Variants in DNAH3 observed in about 807,000 individuals in gnomAD.
The protein encoded by DNAH3 is axonemal beta dynein heavy chain 3.
In DNAH3, 332 loss-of-function variants were observed where a neutral mutation model predicts 432.5. The ratio of observed to expected loss-of-function variants is 0.77; its 90% CI spans 0.70 to 0.84. The LOEUF is 0.84. Ranked by LOEUF, DNAH3 falls within the 40% of genes least tolerant of loss-of-function variation. DNAH3 has a pLI of 0.00. For missense variants in DNAH3, 4,861 were observed against 5,114.0 expected, an observed-to-expected ratio of 0.95 and a Z score of 1.51; for synonymous variants, 1,956 against 1,900.2, an observed-to-expected ratio of 1.03 and a Z score of -0.76.
chr16:20,980,951 G>A (rs1028894037), intron 49 of DNAH3, among the ~76,000 whole-genome samples: 3 of 152,176 alleles, frequency 2.0e-5, no homozygotes, highest in African/African-American at 7.2e-5. Flanking sequence ...CACAGATGGT[G>A]TGTAAACTAA....
intron 39 of DNAH3, among the ~76,000 whole-genome samples, chr16:21,023,928 T>C (rs1244583812): frequency 1.3e-5 from 2 of 152,068 alleles, no homozygotes; most frequent in African/African-American, 2.4e-5. Flanking sequence ...CCAAAGAGTT[T>C]CCATTGTAGG....
chr16:20,948,750 G>C (rs2084173667), intron 56 of DNAH3, 113 bp from the exon 57 acceptor site: 1 of 1,173,198 alleles, frequency 8.5e-7, no homozygotes, highest in Non-Finnish European at 1.2e-6. Flanking sequence ...GGGACATAGT[G>C]ATAGGGACAG....
At chr16:21,041,104 CTCA>C (rs2089422019) in intron 32 of DNAH3, among the ~76,000 whole-genome samples, 1 of 152,140 alleles carries the variant, frequency 6.6e-6, no homozygotes, top group Non-Finnish European at 1.5e-5. Context: ...GGACTGGTGG[CTCA>C]CACCTGTAAT....
At chr16:20,989,804 G>A (rs1252431528) in intron 44 of DNAH3, among the ~76,000 whole-genome samples, 1 of 152,258 alleles carries the variant, frequency 6.6e-6, no homozygotes, top group Non-Finnish European at 1.5e-5. Context: ...GGCAGCTAAG[G>A]CTCAGTGAGA....
chr16:21,138,985 T>G (rs2092682265), intron 5 of DNAH3, among the ~76,000 whole-genome samples: 1 of 152,172 alleles, frequency 6.6e-6, no homozygotes, highest in South Asian at 2.1e-4. Context: ...GTCAAGTAGC[T>G]ATAGAGGGTT....
At chr16:21,012,906 T>G (rs1265951213) in intron 41 of DNAH3, among the ~76,000 whole-genome samples, 1 of 151,900 alleles carries the variant, frequency 6.6e-6, no homozygotes, top group Non-Finnish European at 1.5e-5. Flanking sequence ...GGACTACAGG[T>G]GAGCGCTACC....
intron 54 of DNAH3, among the ~76,000 whole-genome samples, chr16:20,957,808 CAAAAA>C (rs762197650): frequency 1.9e-5 from 1 of 53,284 alleles, no homozygotes; most frequent in East Asian, 4.7e-4. Flanking sequence ...ACTCCATCTC[CAAAAA>C]AAAAAAAAAA....
At chr16:21,024,834 T>G (rs541185601) in intron 38 of DNAH3, 133 bp from the exon 39 acceptor site, 1 of 722,234 alleles carries the variant, frequency 1.4e-6, no homozygotes, top group East Asian at 2.8e-5. Flanking sequence ...CCTAGTCCCC[T>G]GGGTTTACCC....
intron 5 of DNAH3, among the ~76,000 whole-genome samples, chr16:21,137,261 TAAAAA>T (rs60457553): frequency 8.5e-6 from 1 of 117,032 alleles, no homozygotes; most frequent in Non-Finnish European, 1.8e-5. Flanking sequence ...GATTTCTGTC[TAAAAA>T]AAAAAAAAAA....
chr16:21,082,787 C>G (rs1490727158), intron 19 of DNAH3, among the ~76,000 whole-genome samples: 2 of 150,830 alleles, frequency 1.3e-5, no homozygotes, highest in East Asian at 4.0e-4. Context: ...GAGATCGCAC[C>G]ACTGCACTCC....
chr16:21,068,003 T>C (rs1489059218), intron 23 of DNAH3, among the ~76,000 whole-genome samples: 1 of 152,124 alleles, frequency 6.6e-6, no homozygotes, highest in Non-Finnish European at 1.5e-5. Flanking sequence ...CCAAACAACC[T>C]TAACTAATAA....
At chr16:21,115,098 T>C (rs1014534644) in intron 12 of DNAH3, among the ~76,000 whole-genome samples, 3 of 152,264 alleles carry the variant, frequency 2.0e-5, no homozygotes, top group Admixed American at 6.5e-5. Flanking sequence ...TGTAGGGACA[T>C]GGATGAAGCT....
At chr16:21,040,241 G>A (rs1341660392) in intron 32 of DNAH3, among the ~76,000 whole-genome samples, 2 of 151,640 alleles carry the variant, frequency 1.3e-5, no homozygotes, top group African/African-American at 2.4e-5. Flanking sequence ...TATGCCAAAT[G>A]AGGACACCTC....
intron 56 of DNAH3, among the ~76,000 whole-genome samples, chr16:20,949,992 G>A (rs1215138826): frequency 6.6e-6 from 1 of 152,186 alleles, no homozygotes; most frequent in East Asian, 1.9e-4. Flanking sequence ...GGAACTGTGG[G>A]AATATGGTTC....
In DNAH3 at chr16:20,952,294, T is replaced by C. The variant is rs760312117; in HGVS notation, c.11188+139A>G. 5 of 604,422 alleles carry C rather than the reference T, an allele frequency of 8.3e-6. No homozygotes were observed. The South Asian group carries it at 9.7e-5, about 12-fold the overall frequency. The allele number at this position is 604,422 out of a possible 1,614,324, so 37.4% of individuals were successfully genotyped here. A position where few individuals can be genotyped will look rare whatever the true frequency, so the allele number is the denominator to read the frequency against. ...TGTTTCCTTACAATATCTAGCATGA[T>C]GACCAGCATTAGTAAGAGCTCGATG... On this transcript the variant is annotated intron_variant, in intron 56 of 61. Coordinates refer to ENST00000261383, the Ensembl canonical transcript of DNAH3.
exon 62 of DNAH3, chr16:20,933,379 G>C: frequency 6.2e-7 from 1 of 1,614,240 alleles, no homozygotes; most frequent in African/African-American, 1.3e-5. Context: ...GTGGGTCATA[G>C]AGGATTTTGG....
At chr16:20,984,954 C>G in intron 48 of DNAH3, 95 bp downstream of exon 48, 1 of 1,114,530 alleles carries the variant, frequency 9.0e-7, no homozygotes, top group South Asian at 1.6e-5. Context: ...TGAATCAACC[C>G]TGGGACCATT....
exon 5 of DNAH3, chr16:21,140,659 T>C (rs8061600): frequency 0.042 from 67,679 of 1,614,130 alleles, 2,170 homozygotes; most frequent in East Asian, 0.2. Flanking sequence ...AAGATGTCTT[T>C]ACCTCCTTCT....
intron 41 of DNAH3, among the ~76,000 whole-genome samples, chr16:21,016,351 T>C (rs368900679): frequency 2.6e-5 from 4 of 152,214 alleles, no homozygotes; most frequent in East Asian, 1.9e-4. Flanking sequence ...TGGAGACACA[T>C]ACATGCATAA....
Sources: gnomAD v4.1 joint callset for allele counts (sites outside exome capture counted in the v4.1 genomes callset) on GRCh38, gnomAD v4.1.1 for gene constraint, MANE v1.5 for transcripts, NCBI Gene and HGNC (gene_info 2026-07-23, HGNC 2026-07-21) for gene names.